The following TENM3 variants were observed in gnomAD, a reference collection of about 807,000 sequenced individuals.
The protein encoded by TENM3 is teneurin-3.
TENM3 carries 63 observed loss-of-function variants against 255.1 expected under a neutral mutation model. The ratio of observed to expected loss-of-function variants is 0.25; its 90% confidence interval spans 0.20 to 0.30. The LOEUF (loss-of-function observed/expected upper bound fraction) is 0.30, where lower values mean the gene tolerates loss of function less well. Among genes scored for constraint, TENM3 ranks in the 10% least tolerant of loss-of-function variants. The pLI is 1.00. For missense variants in TENM3, 2,929 were observed against 3,461.1 expected, an observed-to-expected ratio of 0.85 and a Z score of 3.86; for synonymous variants, 1,306 against 1,322.3, an observed-to-expected ratio of 0.99 and a Z score of 0.27.
At chr4:181,714,482 C>T in the TENM3 span, among the ~76,000 whole-genome samples, 4 of 152,242 alleles carry the variant, frequency 2.6e-5, no homozygotes, top group Admixed American at 2.0e-4. Context: ...AAGAAAACCT[C>T]AGGCTCACTG....
rs2309770 is a variant in TENM3 at position 182,752,094 on chromosome 4, T to A, written c.3862+62T>A. 0.78 allele frequency: 814,243 copies of A among 1,037,690 alleles called. 321,283 individuals are homozygous for A. The highest frequency in any genetic ancestry group is 0.95 in the East Asian group (36,077 of 37,814). 64.3% of individuals were successfully genotyped at this position (1,037,690 alleles called of 1,614,324 possible). On this transcript the variant is annotated intron_variant, in intron 20 of 27. Transcript: ENST00000511685. The stretch of plus-strand genomic sequence containing the variant: ...TTATTAAAAAAAAAAAAAAAGGGGT[T>A]GAAAATCCATTTAGTGCCTAGTCAT...
chr4:182,209,182 G>A (rs1754804383), intron 1 of TENM3, among the ~76,000 whole-genome samples: 1 of 151,670 alleles, frequency 6.6e-6, no homozygotes, highest in Non-Finnish European at 1.5e-5. Context: ...TGGTCAGGCT[G>A]GTCTCGAACT....
intron 22 of TENM3, 33 bp from the exon 23 acceptor site, chr4:182,773,439 A>G (rs1232337519): frequency 2.6e-6 from 4 of 1,563,430 alleles, no homozygotes; most frequent in Non-Finnish European, 3.5e-6. Flanking sequence ...GCAGTTTCCT[A>G]TTTAACACCA....
intron 22 of TENM3, among the ~76,000 whole-genome samples, chr4:182,764,458 G>A (rs1441696648): frequency 6.6e-6 from 1 of 152,192 alleles, no homozygotes; most frequent in African/African-American, 2.4e-5. Context: ...ACAGGCCGTG[G>A]AGGTACAGAG....
intron 3 of TENM3, among the ~76,000 whole-genome samples, chr4:182,555,569 A>G (rs1742500919): frequency 6.6e-6 from 1 of 152,190 alleles, no homozygotes; most frequent in Admixed American, 6.5e-5. Flanking sequence ...TGGTTCAAGT[A>G]GGTGCTCAGT....
chr4:181,471,504 C>T, the TENM3 span, among the ~76,000 whole-genome samples: 3 of 152,110 alleles, frequency 2.0e-5, no homozygotes, highest in African/African-American at 7.2e-5. Context: ...TAAATGCAGG[C>T]ATGGTGAGGT....
intron 5 of TENM3, among the ~76,000 whole-genome samples, chr4:182,641,775 C>T (rs1752338370): frequency 6.6e-6 from 1 of 152,230 alleles, no homozygotes; most frequent in Non-Finnish European, 1.5e-5. Flanking sequence ...GATCCACCTG[C>T]TTCGGCCTCC....
intron 12 of TENM3, among the ~76,000 whole-genome samples, chr4:182,689,959 C>CT (rs1756888773): frequency 6.6e-6 from 1 of 152,210 alleles, no homozygotes; most frequent in South Asian, 2.1e-4. Flanking sequence ...TAAAGATGGA[C>CT]TTTCCTGACT....
chr4:182,761,525 T>C (rs1763192948), intron 22 of TENM3, among the ~76,000 whole-genome samples: 1 of 152,232 alleles, frequency 6.6e-6, no homozygotes, highest in East Asian at 1.9e-4. Context: ...ACTGAAACAC[T>C]GAACCTTGCA....
chr4:181,526,156 G>A, the TENM3 span, among the ~76,000 whole-genome samples: 2 of 151,886 alleles, frequency 1.3e-5, no homozygotes, highest in East Asian at 1.9e-4. Flanking sequence ...GAATTTAAAC[G>A]ATTGGCCCAT....
chr4:181,619,462 C>G, the TENM3 span, among the ~76,000 whole-genome samples: 1 of 152,036 alleles, frequency 6.6e-6, no homozygotes, highest in Non-Finnish European at 1.5e-5. Flanking sequence ...CACTCTATTG[C>G]CCAGGCCAGA....
intron 1 of TENM3, among the ~76,000 whole-genome samples, chr4:182,250,298 C>CCTCATGATCCACCG: frequency 7.2e-6 from 1 of 138,910 alleles, no homozygotes; most frequent in Admixed American, 7.0e-5. Context: ...ATGATCCACC[C>CCTCATGATCCACCG]GCCTTAGCCT....
At chr4:181,999,726 A>G in the TENM3 span, among the ~76,000 whole-genome samples, 1 of 152,130 alleles carries the variant, frequency 6.6e-6, no homozygotes, top group South Asian at 2.1e-4. Context: ...CCCATCCATA[A>G]GTTTCATTCG....
At chr4:181,714,922 T>A in the TENM3 span, among the ~76,000 whole-genome samples, 2 of 152,232 alleles carry the variant, frequency 1.3e-5, no homozygotes, top group Non-Finnish European at 2.9e-5. Flanking sequence ...AATTTTCATT[T>A]CTATTGAAGT....
chr4:182,419,172 C>G (rs552307235), intron 3 of TENM3, among the ~76,000 whole-genome samples: 50 of 152,142 alleles, frequency 3.3e-4, no homozygotes, highest in Non-Finnish European at 6.5e-4. Context: ...TACCCATGAT[C>G]TTATTGAACT....
At chr4:182,471,521 T>G (rs748712873) in intron 3 of TENM3, among the ~76,000 whole-genome samples, 29 of 152,140 alleles carry the variant, frequency 1.9e-4, no homozygotes, top group Non-Finnish European at 4.0e-4. Flanking sequence ...TATGTATTGG[T>G]GTATCTAAGC....
intron 3 of TENM3, among the ~76,000 whole-genome samples, chr4:182,413,489 G>T (rs571256184): frequency 6.6e-6 from 1 of 152,130 alleles, no homozygotes; most frequent in South Asian, 2.1e-4. Context: ...TGGTGTGTGG[G>T]CCTGTATTCC....
At chr4:182,295,563 CG>C (rs1348776048) in intron 1 of TENM3, among the ~76,000 whole-genome samples, 1 of 151,872 alleles carries the variant, frequency 6.6e-6, no homozygotes, top group African/African-American at 2.4e-5. Context: ...GCCACTGTGC[CG>C]GATGGTATAT....
At chr4:182,161,346 G>A (rs1751156848) in intron 1 of TENM3, among the ~76,000 whole-genome samples, 2 of 131,250 alleles carry the variant, frequency 1.5e-5, no homozygotes, top group Non-Finnish European at 1.6e-5. Flanking sequence ...AACCCGGGAG[G>A]CGAAGCTTGC....
Sources: gnomAD v4.1 joint callset for allele counts (sites outside exome capture counted in the v4.1 genomes callset) on GRCh38, gnomAD v4.1.1 for gene constraint, MANE v1.5 for transcripts, NCBI Gene and HGNC (gene_info 2026-07-23, HGNC 2026-07-21) for gene names.